The following RAI14 variants were observed in gnomAD, a reference collection of about 807,000 sequenced individuals.
RAI14 encodes ankycorbin.
RAI14 carries 45 observed loss-of-function variants against 115.4 expected under a neutral mutation model. The ratio of observed to expected loss-of-function variants is 0.39; its 90% confidence interval spans 0.31 to 0.50. The LOEUF is 0.50. Ranked by LOEUF, RAI14 falls within the 20% of genes least tolerant of loss-of-function variation. The pLI, the probability that RAI14 is intolerant of heterozygous loss-of-function variation, is 0.85. For synonymous variants in RAI14, 371 were observed against 415.4 expected (o/e 0.89, Z 1.30); for missense variants, 939 against 1,131.2 (o/e 0.83, Z 2.44).
chr5:34,796,558 C>T (rs371442014), intron 4 of RAI14, among the ~76,000 whole-genome samples: 54 of 152,142 alleles, frequency 3.5e-4, no homozygotes, highest in African/African-American at 1.3e-3. Flanking sequence ...CTGTATGCTT[C>T]TTATCCTCAT....
chr5:34,719,774 C>T (rs572794076), intron 2 of RAI14, among the ~76,000 whole-genome samples: 8 of 152,282 alleles, frequency 5.3e-5, no homozygotes, highest in Non-Finnish European at 7.3e-5. Flanking sequence ...CTGAACTCTG[C>T]GCTATATGCT....
chr5:34,660,193 G>A (rs1742585306), intron 1 of RAI14, among the ~76,000 whole-genome samples: 1 of 152,110 alleles, frequency 6.6e-6, no homozygotes, highest in Non-Finnish European at 1.5e-5. Flanking sequence ...AGCACTTTGG[G>A]AGGCCGAGGC....
chr5:34,754,264 G>C (rs970942536), intron 2 of RAI14, among the ~76,000 whole-genome samples: 1 of 152,136 alleles, frequency 6.6e-6, no homozygotes. Context: ...TTGCAAGTAT[G>C]ATTAGTGGCC....
intron 1 of RAI14, among the ~76,000 whole-genome samples, chr5:34,674,276 AG>A (rs1385626688): frequency 1.2e-4 from 19 of 152,224 alleles, no homozygotes; most frequent in Non-Finnish European, 2.4e-4. Flanking sequence ...TATTCTGAAA[AG>A]TATTAAGACA....
chr5:34,803,467 G>C (rs892912202), intron 4 of RAI14, among the ~76,000 whole-genome samples: 1 of 152,106 alleles, frequency 6.6e-6, no homozygotes, highest in African/African-American at 2.4e-5. Flanking sequence ...TGAGGTGGGA[G>C]GATCACTTTA....
chr5:34,764,690 CGA>C (rs1236236642), intron 3 of RAI14, among the ~76,000 whole-genome samples: 1 of 151,636 alleles, frequency 6.6e-6, no homozygotes, highest in African/African-American at 2.4e-5. Context: ...TAACAATTCT[CGA>C]GTTTTTTTTT....
intron 2 of RAI14, among the ~76,000 whole-genome samples, chr5:34,724,939 A>G (rs1223819144): frequency 6.6e-6 from 1 of 151,978 alleles, no homozygotes; most frequent in East Asian, 1.9e-4. Flanking sequence ...GAGAATGGAG[A>G]GGTGGGGTCT....
chr5:34,759,152 AC>A (rs1271300323), intron 3 of RAI14, among the ~76,000 whole-genome samples: 1 of 152,134 alleles, frequency 6.6e-6, no homozygotes, highest in Non-Finnish European at 1.5e-5. Context: ...AATCTCAGCT[AC>A]TTGGGAGGCT....
chr5:34,718,769 G>A (rs1490306691), intron 2 of RAI14, among the ~76,000 whole-genome samples: 2 of 152,214 alleles, frequency 1.3e-5, no homozygotes, highest in African/African-American at 4.8e-5. Context: ...CTTTAAAATG[G>A]AGATCAGTTC....
chr5:34,818,793 A>G lies in RAI14; in HGVS notation c.940-4A>G, dbSNP rs1443352219. On this transcript the variant is annotated splice_region_variant and splice_polypyrimidine_tract_variant and intron_variant, in intron 12 of 17. Coordinates refer to ENST00000265109, the MANE Select transcript of RAI14 (RefSeq NM_015577.3). ...TTCTTTAAGTCATTTTTGTGTTTCAATAGGCTGAGATCAGTTCTATACGAG... is the reference window on the plus strand; with the variant it reads ...TTCTTTAAGTCATTTTTGTGTTTCAGTAGGCTGAGATCAGTTCTATACGAG... The G allele has an allele frequency of 2.5e-6, 4 of 1,606,468 alleles. No individual in the cohort carries two copies. The African/African-American group carries it at 4.0e-5, about 16-fold the overall frequency.
At chr5:34,734,054 G>A (rs192996479) in intron 2 of RAI14, among the ~76,000 whole-genome samples, 5 of 152,336 alleles carry the variant, frequency 3.3e-5, no homozygotes, top group East Asian at 1.9e-4. Flanking sequence ...ACCGTGCCAC[G>A]CTTTTCTCTC....
chr5:34,709,551 G>A (rs986949829), intron 2 of RAI14, among the ~76,000 whole-genome samples: 1 of 152,156 alleles, frequency 6.6e-6, no homozygotes, highest in Non-Finnish European at 1.5e-5. Flanking sequence ...TGGAATTTTG[G>A]AGGGTCTGCC....
chr5:34,803,221 A>G (rs986225938), intron 4 of RAI14, among the ~76,000 whole-genome samples: 6 of 152,192 alleles, frequency 3.9e-5, no homozygotes, highest in Non-Finnish European at 8.8e-5. Context: ...GGGATAGGGC[A>G]TGGGGGATGC....
intron 10 of RAI14, among the ~76,000 whole-genome samples, chr5:34,813,077 C>T (rs1434814700): frequency 3.3e-5 from 5 of 152,102 alleles, no homozygotes; most frequent in Admixed American, 6.5e-5. Flanking sequence ...ATTTACACAT[C>T]TACGTTCTTG....
In RAI14 at chr5:34,830,865, C is replaced by T; in HGVS notation, c.*100C>T. 1.3e-6 allele frequency: 2 copies of T among 1,558,542 alleles called. No homozygotes were observed. Among genetic ancestry groups the T allele is most frequent in the Non-Finnish European group, 1.7e-6 (2 of 1,152,176 alleles). On this transcript the variant is annotated 3_prime_UTR_variant, in exon 18 of 18. Transcript: ENST00000265109. ...CCATTGTTCTCATTCGTGGTATGCA[C>T]TGTGGCCTAGCGTAGCTTCTTCCCT...
intron 2 of RAI14, among the ~76,000 whole-genome samples, chr5:34,693,578 C>T (rs1390455628): frequency 2.0e-5 from 3 of 152,220 alleles, no homozygotes; most frequent in Non-Finnish European, 4.4e-5. Context: ...CCAGTAAAGA[C>T]CATTGCTACA....
At chr5:34,817,298 G>T (rs1391563883) in intron 12 of RAI14, among the ~76,000 whole-genome samples, 2 of 145,496 alleles carry the variant, frequency 1.4e-5, no homozygotes, top group Non-Finnish European at 3.0e-5. Flanking sequence ...AAGAAAAAGT[G>T]ATATCTATTT....
chr5:34,819,840 C>T (rs913935608), intron 13 of RAI14, among the ~76,000 whole-genome samples: 7 of 152,104 alleles, frequency 4.6e-5, no homozygotes, highest in East Asian at 1.9e-4. Context: ...TGAGCTCAAG[C>T]GATCCTCCCA....
intron 2 of RAI14, among the ~76,000 whole-genome samples, chr5:34,752,925 G>A (rs1418937111): frequency 6.6e-6 from 1 of 151,510 alleles, no homozygotes; most frequent in African/African-American, 2.4e-5. Flanking sequence ...GAGCCACCGT[G>A]CCCAGTCCAG....
Sources: allele counts gnomAD v4.1 joint callset (sites outside exome capture counted in the v4.1 genomes callset), GRCh38; gene constraint gnomAD v4.1.1; transcripts MANE v1.5; gene names NCBI Gene and HGNC (gene_info 2026-07-23, HGNC 2026-07-21).